The following PPP2R5A variants were observed in gnomAD, a reference collection of about 807,000 sequenced individuals.
PPP2R5A encodes protein phosphatase 2 regulatory subunit B'alpha.
In PPP2R5A, 25 loss-of-function variants were observed where a neutral mutation model predicts 64.2. The observed-to-expected ratio is 0.39, with a 90% confidence interval of 0.28 to 0.54. The LOEUF (loss-of-function observed/expected upper bound fraction) is 0.54. Ranked by LOEUF, PPP2R5A falls within the 20% of genes least tolerant of loss-of-function variation. The probability of loss-of-function intolerance (pLI) is 0.67; values close to 1 mark genes in which losing one functional copy is unlikely to be tolerated. For missense variants in PPP2R5A, 425 were observed against 576.3 expected (o/e 0.74, Z 2.69); for synonymous variants, 198 against 201.2 (o/e 0.98, Z 0.13).
At chr1:212,311,632 C>T (rs1342208078) in intron 1 of PPP2R5A, among the ~76,000 whole-genome samples, 1 of 152,056 alleles carries the variant, frequency 6.6e-6, no homozygotes, top group Non-Finnish European at 1.5e-5. Context: ...CAGCCTCAGG[C>T]AGGCCCTTCA....
intron 1 of PPP2R5A, chr1:212,299,318 G>T (rs1658757382): frequency 6.6e-6 from 1 of 152,184 alleles, no homozygotes; most frequent in Non-Finnish European, 1.5e-5. Context: ...TTGTGTCACA[G>T]TTAGATTTTG....
At chr1:212,360,289 A>G (rs1165102346) in intron 12 of PPP2R5A, among the ~76,000 whole-genome samples, 2 of 152,212 alleles carry the variant, frequency 1.3e-5, no homozygotes, top group South Asian at 2.1e-4. Context: ...CAGCCCCTTC[A>G]GCCTTTGTAA....
At chr1:212,329,376 A>C (rs1258553324) in intron 2 of PPP2R5A, 45 bp downstream of exon 2, 1 of 1,382,814 alleles carries the variant, frequency 7.2e-7, no homozygotes, top group Non-Finnish European at 9.6e-7. Context: ...TAAATTTAAG[A>C]TCTGAGGTAT....
chr1:212,300,337 A>G (rs1658776417), intron 1 of PPP2R5A, among the ~76,000 whole-genome samples: 1 of 152,208 alleles, frequency 6.6e-6, no homozygotes, highest in Non-Finnish European at 1.5e-5. Context: ...GTTATAATAC[A>G]ATACTTGCTG....
At chr1:212,298,803 T>C (rs2102413336) in intron 1 of PPP2R5A, among the ~76,000 whole-genome samples, 1 of 25,616 alleles carries the variant, frequency 3.9e-5, no homozygotes, top group Non-Finnish European at 7.0e-5. Flanking sequence ...GGCAGAGGGG[T>C]CCTCACTTCC....
intron 5 of PPP2R5A, 57 bp from the exon 6 acceptor site, chr1:212,347,290 T>G: frequency 8.0e-7 from 1 of 1,250,178 alleles, no homozygotes; most frequent in Non-Finnish European, 1.2e-6. Context: ...CCTGCCTGTT[T>G]CTCTTAGTTT....
intron 8 of PPP2R5A, chr1:212,352,986 T>C (rs775801651): frequency 1.9e-6 from 1 of 515,850 alleles, no homozygotes; most frequent in Non-Finnish European, 3.9e-6. Flanking sequence ...TTTGTTGCCT[T>C]AGTTGCTGTG....
At chr1:212,323,810 A>G (rs1659357900) in intron 1 of PPP2R5A, among the ~76,000 whole-genome samples, 1 of 152,210 alleles carries the variant, frequency 6.6e-6, no homozygotes, top group Non-Finnish European at 1.5e-5. Flanking sequence ...ACGGTGGCTC[A>G]CGCCTGTAAT....
At chr1:212,327,046 A>G (rs892487781) in intron 1 of PPP2R5A, among the ~76,000 whole-genome samples, 1 of 152,210 alleles carries the variant, frequency 6.6e-6, no homozygotes, top group Non-Finnish European at 1.5e-5. Context: ...CAACTTGAAT[A>G]TAATTGAAAG....
At chr1:212,318,574 G>A (rs939446250) in intron 1 of PPP2R5A, among the ~76,000 whole-genome samples, 2 of 152,100 alleles carry the variant, frequency 1.3e-5, no homozygotes, top group African/African-American at 4.8e-5. Context: ...TGTTAAATAT[G>A]GTATACCATG....
At chr1:212,354,974 CCT>C (rs1413366488) in intron 8 of PPP2R5A, among the ~76,000 whole-genome samples, 1 of 152,080 alleles carries the variant, frequency 6.6e-6, no homozygotes, top group Non-Finnish European at 1.5e-5. Context: ...TTAAGTACAC[CCT>C]GTGACATTTA....
chr1:212,320,022 C>G (rs1429496376), intron 1 of PPP2R5A, among the ~76,000 whole-genome samples: 4 of 141,848 alleles, frequency 2.8e-5, no homozygotes, highest in Non-Finnish European at 6.0e-5. Flanking sequence ...GGTCACAGGA[C>G]AATAGTGGAG....
At chr1:212,302,244 T>C (rs1658811381) in intron 1 of PPP2R5A, among the ~76,000 whole-genome samples, 1 of 152,210 alleles carries the variant, frequency 6.6e-6, no homozygotes, top group African/African-American at 2.4e-5. Context: ...TACTGTATTG[T>C]ATTAAAAATT....
chr1:212,290,654 T>C (rs747966266), intron 1 of PPP2R5A, among the ~76,000 whole-genome samples: 12 of 152,254 alleles, frequency 7.9e-5, no homozygotes, highest in Admixed American at 2.0e-4. Context: ...TTTAGGATCA[T>C]CTCTTCCTCC....
At chr1:212,316,003 T>G (rs1659144514) in intron 1 of PPP2R5A, among the ~76,000 whole-genome samples, 1 of 152,216 alleles carries the variant, frequency 6.6e-6, no homozygotes, top group African/African-American at 2.4e-5. Flanking sequence ...TTGTTTGTGT[T>G]CTGATGGCTC....
chr1:212,293,746 T>C (rs964528710), intron 1 of PPP2R5A, among the ~76,000 whole-genome samples: 1 of 152,036 alleles, frequency 6.6e-6, no homozygotes, highest in African/African-American at 2.4e-5. Flanking sequence ...AGACAAGGGA[T>C]TTCTTGGAAA....
chr1:212,313,627 A>T (rs1466341913), intron 1 of PPP2R5A: 5 of 151,544 alleles, frequency 3.3e-5, no homozygotes, highest in Admixed American at 3.3e-4. Flanking sequence ...AATTTTTTTC[A>T]TATGAGTAGC....
chr1:212,356,852 A>C, intron 9 of PPP2R5A, 98 bp from the exon 10 acceptor site: 1 of 1,298,514 alleles, frequency 7.7e-7, no homozygotes, highest in Non-Finnish European at 1.0e-6. Flanking sequence ...TTTTTTGCTT[A>C]TTGTATACTA....
At chr1:212,327,606 G>A (rs536690349) in intron 1 of PPP2R5A, among the ~76,000 whole-genome samples, 1 of 152,012 alleles carries the variant, frequency 6.6e-6, no homozygotes, top group Admixed American at 6.6e-5. Flanking sequence ...GTAGAGATGG[G>A]GTTTCACCAT....
Sources: allele counts gnomAD v4.1 joint callset (sites outside exome capture counted in the v4.1 genomes callset), GRCh38; gene constraint gnomAD v4.1.1; transcripts MANE v1.5; gene names NCBI Gene and HGNC (gene_info 2026-07-23, HGNC 2026-07-21).